The following SYT17 variants were observed in gnomAD, a reference collection of about 807,000 sequenced individuals.
The protein encoded by SYT17 is synaptotagmin-17.
SYT17 carries 22 observed loss-of-function variants against 46.7 expected under a neutral mutation model. The ratio of observed to expected loss-of-function variants is 0.47; its 90% CI spans 0.34 to 0.67. The LOEUF (loss-of-function observed/expected upper bound fraction) is 0.67. Ranked by LOEUF, SYT17 falls within the 30% of genes least tolerant of loss-of-function variation. The pLI is 0.01. For missense variants in SYT17, 519 were observed against 612.8 expected, an observed-to-expected ratio of 0.85 and a Z score of 1.62; for synonymous variants, 251 against 248.4, an observed-to-expected ratio of 1.01 and a Z score of -0.10.
intron 7 of SYT17, among the ~76,000 whole-genome samples, chr16:19,258,740 G>A (rs746145205): frequency 6.6e-6 from 1 of 152,162 alleles, no homozygotes; most frequent in Non-Finnish European, 1.5e-5. Context: ...ATTTTAGAGT[G>A]CCTAGGACAG....
intron 3 of SYT17, among the ~76,000 whole-genome samples, chr16:19,176,785 G>A (rs1964331165): frequency 6.6e-6 from 1 of 152,172 alleles, no homozygotes; most frequent in South Asian, 2.1e-4. Flanking sequence ...CCAAAGCACT[G>A]GGATTACAGG....
intron 3 of SYT17, among the ~76,000 whole-genome samples, chr16:19,175,805 G>A (rs1283287197): frequency 6.6e-6 from 1 of 152,174 alleles, no homozygotes; most frequent in East Asian, 1.9e-4. Flanking sequence ...TTGACTGACA[G>A]ACTATCCTGC....
chr16:19,202,273 C>T (rs970371203), intron 5 of SYT17, among the ~76,000 whole-genome samples: 2 of 152,164 alleles, frequency 1.3e-5, no homozygotes, highest in African/African-American at 2.4e-5. Context: ...ACCCCCTCCT[C>T]AAGTTCAATA....
chr16:19,226,707 A>T (rs1966509413), intron 7 of SYT17, among the ~76,000 whole-genome samples: 2 of 152,230 alleles, frequency 1.3e-5, no homozygotes. Flanking sequence ...AATGGTGGAC[A>T]GGCAGGTAGT....
chr16:19,178,935 C>T (rs1336902809), intron 3 of SYT17, among the ~76,000 whole-genome samples: 1 of 151,836 alleles, frequency 6.6e-6, no homozygotes, highest in African/African-American at 2.4e-5. Context: ...AGGCATGCAT[C>T]TATAGTCCCA....
chr16:19,202,290 T>C (rs1965497915), intron 5 of SYT17, among the ~76,000 whole-genome samples: 1 of 152,156 alleles, frequency 6.6e-6, no homozygotes, highest in Non-Finnish European at 1.5e-5. Context: ...AATAATTTGC[T>C]AGAAAGGCTC....
At chr16:19,189,983 A>T (rs1377137100) in intron 5 of SYT17, among the ~76,000 whole-genome samples, 1 of 152,160 alleles carries the variant, frequency 6.6e-6, no homozygotes, top group Non-Finnish European at 1.5e-5. Flanking sequence ...ACTGGCAGCT[A>T]ATGGAGCTAT....
intron 7 of SYT17, among the ~76,000 whole-genome samples, chr16:19,237,666 C>T (rs1335391338): frequency 6.6e-6 from 1 of 152,246 alleles, no homozygotes; most frequent in Non-Finnish European, 1.5e-5. Context: ...TGGGGTAGCA[C>T]TGCTCTGCAG....
intron 5 of SYT17, chr16:19,211,076 C>T: frequency 4.9e-6 from 1 of 203,054 alleles, no homozygotes; most frequent in Non-Finnish European, 9.8e-6. Context: ...AAGCCGGCTG[C>T]TGGATTCATC....
At chr16:19,232,859 CAAACAA>C in intron 7 of SYT17, among the ~76,000 whole-genome samples, 1 of 151,762 alleles carries the variant, frequency 6.6e-6, no homozygotes, top group Admixed American at 6.6e-5. Context: ...AACAAACAAA[CAAACAA>C]ACTCTCTAGC....
intron 5 of SYT17, among the ~76,000 whole-genome samples, chr16:19,215,791 A>C (rs1272029940): frequency 6.6e-6 from 1 of 152,216 alleles, no homozygotes; most frequent in Non-Finnish European, 1.5e-5. Context: ...GACATACCTG[A>C]GACTAGGCAA....
chr16:19,242,950 A>T (rs1468342829), intron 7 of SYT17, among the ~76,000 whole-genome samples: 1 of 152,136 alleles, frequency 6.6e-6, no homozygotes, highest in Non-Finnish European at 1.5e-5. Flanking sequence ...GATGACATGC[A>T]TGCAAGGACT....
rs1176591542 is a variant in SYT17, at chr16:19,183,604, G to C, written c.408G>C (p.Lys136Asn). ...PIEFGVLSAK[K>N]EPIQPSVLRR... The stretch of plus-strand genomic sequence containing the variant: ...AGTTTGGCGTTCTCAGCGCCAAGAA[G>C]GAGCCCATCCAACCTTCGGTGCTCA... The change falls in exon 5 of 8, where the codon AAG becomes AAC. Residue 136 changes from lysine (K) to asparagine (N), a missense_variant. By Grantham distance (94) the Lys-to-Asn change is moderately conservative. Coordinates refer to ENST00000355377, the MANE Select transcript of SYT17 (RefSeq NM_016524.4). The surrounding 1 kb of genome is among the most constrained non-coding windows in gnomAD (Gnocchi z 5.6). 1 of 1,614,056 alleles carries C rather than the reference G, an allele frequency of 6.2e-7. No homozygotes were observed. Among genetic ancestry groups the C allele is most frequent in the Non-Finnish European group, 8.5e-7 (1 of 1,180,022 alleles).
intron 1 of SYT17, chr16:19,172,188 G>T (rs1053816234): frequency 1.5e-4 from 46 of 313,210 alleles, no homozygotes; most frequent in African/African-American, 9.8e-4. Flanking sequence ...CAGGAAGGGA[G>T]GACCTCCTTC....
intron 7 of SYT17, among the ~76,000 whole-genome samples, chr16:19,233,148 CTG>C (rs1435129640): frequency 6.6e-6 from 1 of 152,204 alleles, no homozygotes; most frequent in Admixed American, 6.5e-5. Context: ...CCAGACCCCT[CTG>C]TGAGAGCGAG....
At chr16:19,233,517 A>G (rs1462986379) in intron 7 of SYT17, among the ~76,000 whole-genome samples, 1 of 151,850 alleles carries the variant, frequency 6.6e-6, no homozygotes. Flanking sequence ...TTAGCTGGGC[A>G]TGGTGGTGCA....
At position 19,182,989 on chromosome 16, in the gene SYT17, A is replaced by G. The variant is rs199698306; in HGVS notation, c.332-539A>G. 3.9e-5 allele frequency among the ~76,000 whole-genome samples: 6 copies of G among 152,312 alleles called. No homozygotes were observed. The East Asian group carries it at 1.2e-3, about 29-fold the overall frequency. Reference sequence around the variant, plus strand: ...CAGAGAGTCAAAAGAATATGCCCGGAGTCACATGGCTCACTGGTAATGAGT... The same window carrying G: ...CAGAGAGTCAAAAGAATATGCCCGGGGTCACATGGCTCACTGGTAATGAGT... On this transcript the variant is annotated intron_variant, in intron 4 of 7. Transcript: ENST00000355377.
At chr16:19,234,798 T>A (rs1966824636) in intron 7 of SYT17, among the ~76,000 whole-genome samples, 1 of 152,210 alleles carries the variant, frequency 6.6e-6, no homozygotes, top group African/African-American at 2.4e-5. Flanking sequence ...GAAAATTATA[T>A]CTGCTGTTTT....
intron 7 of SYT17, among the ~76,000 whole-genome samples, chr16:19,240,326 C>A (rs1400850165): frequency 6.6e-6 from 1 of 150,696 alleles, no homozygotes. Flanking sequence ...AGCAATACAA[C>A]AGCTCAGAGG....
Sources: gnomAD v4.1 joint callset for allele counts (sites outside exome capture counted in the v4.1 genomes callset) on GRCh38, gnomAD v4.1.1 for gene constraint, Gnocchi (gnomAD v3.1) non-coding constraint, MANE v1.5 for transcripts, NCBI Gene and HGNC (gene_info 2026-07-23, HGNC 2026-07-21) for gene names.